The following ZNF699 variants were observed in gnomAD, a reference collection of about 807,000 sequenced individuals.
ZNF699 encodes the protein zinc finger protein 699.
ZNF699 carries 18 observed loss-of-function variants against 22.5 expected under a neutral mutation model. The observed-to-expected ratio is 0.80, with a 90% CI of 0.55 to 1.19. The LOEUF (loss-of-function observed/expected upper bound fraction) is 1.19, where lower values mean the gene tolerates loss of function less well. Ranked by LOEUF, ZNF699 falls within the 50% of genes most tolerant of loss-of-function variation. The pLI is 0.00. For missense variants in ZNF699, 670 were observed against 763.4 expected, an observed-to-expected ratio of 0.88 and a Z score of 1.44; for synonymous variants, 241 against 262.3, an observed-to-expected ratio of 0.92 and a Z score of 0.78.
At position 9,291,202 on chromosome 19, in the gene ZNF699, T is replaced by G. The variant is rs1370321092; in HGVS notation, c.*4273A>C. ...ATTCATCAACTGGAAAACTCGATAT[T>G]GTAAAGATGTCAATTATCCTCAGGT... On this transcript the variant is annotated 3_prime_UTR_variant, in exon 6 of 6. Coordinates refer to ENST00000591998, the MANE Select transcript of ZNF699 (RefSeq NM_198535.3). 6.6e-6 allele frequency among the ~76,000 whole-genome samples: 1 copy of G among 152,174 alleles called. No homozygotes were observed. The highest frequency in any genetic ancestry group is 1.5e-5 in the Non-Finnish European group (1 of 68,034).
chr19:9,305,032 ATGGAAATATTC>A (rs1180693879), intron 2 of ZNF699, 29 bp downstream of exon 2: 35 of 1,552,944 alleles, frequency 2.3e-5, no homozygotes, highest in Admixed American at 1.3e-4. Context: ...ACCTGGTACA[ATGGAAATATTC>A]TTTTGGACAA....
Position 9,296,642 on chromosome 19 carries a change from C to T in ZNF699, c.762G>A (p.Lys254=). 1 of 1,614,042 alleles carries T rather than the reference C, an allele frequency of 6.2e-7. No homozygotes were observed. Among genetic ancestry groups the T allele is most frequent in the Non-Finnish European group, 8.5e-7 (1 of 1,179,988 alleles). Residue 254 remains lysine (K), a synonymous_variant, in exon 6 of 6, where the codon AAG becomes AAA. Coordinates refer to ENST00000591998, the MANE Select transcript of ZNF699 (RefSeq NM_198535.3). ...AACAGCTGAAGGCTTTGGTACATTC[C>T]TTACATTCATAGGGCTTCTCTTCAG... ...TPTEEKPYEC[K]ECTKAFSCSS... is the part of the protein sequence containing the mutation.
intron 3 of ZNF699, 79 bp from the exon 4 acceptor site, chr19:9,298,069 T>A: frequency 1.1e-6 from 1 of 930,930 alleles, no homozygotes; most frequent in South Asian, 1.6e-5. Context: ...AACAAAACTT[T>A]AGTCTTCTGA....
In ZNF699 at chr19:9,297,780, G is replaced by A. The variant is rs2066292354; in HGVS notation, c.286+100C>T. The A allele has an allele frequency of 2.3e-6, 2 of 873,260 alleles. No homozygotes were observed. Among genetic ancestry groups the A allele is most frequent in the Non-Finnish European group, 3.7e-6 (2 of 539,350 alleles). The allele number at this position is 873,260 out of a possible 1,614,324, so 54.1% of individuals were successfully genotyped here. A position where few individuals can be genotyped will look rare whatever the true frequency, so the allele number is the denominator to read the frequency against. ...CAAAATAGTCATCTGAGCTATCTGTGGAAGATGAGCTTCCTCATATAAAAC... is the reference window on the plus strand; with the variant it reads ...CAAAATAGTCATCTGAGCTATCTGTAGAAGATGAGCTTCCTCATATAAAAC... On this transcript the variant is annotated intron_variant, in intron 4 of 5. Coordinates refer to ENST00000591998, the MANE Select transcript of ZNF699 (RefSeq NM_198535.3). This position sits in a 1 kb window ranked among gnomAD's most constrained non-coding sequence, Gnocchi z 4.3.
intron 3 of ZNF699, among the ~76,000 whole-genome samples, chr19:9,301,905 CTT>C (rs199823792): frequency 0.065 from 9,325 of 142,416 alleles, 857 homozygotes; most frequent in African/African-American, 0.21. Context: ...TTTCTTTTTT[CTT>C]TTTTTTTTTT....
chr19:9,298,133 TTA>T (rs1489397534), intron 3 of ZNF699, 143 bp from the exon 4 acceptor site: 9 of 547,762 alleles, frequency 1.6e-5, no homozygotes, highest in Admixed American at 6.7e-5. Flanking sequence ...TCAAATTTAT[TTA>T]TTTTTTTTTT....
rs2066306987 is a variant in ZNF699 at position 9,301,487 on chromosome 19, G to A, written c.175+891C>T. Among the ~76,000 whole-genome samples, 3 of 152,140 alleles carry A rather than the reference G, an allele frequency of 2.0e-5. No homozygotes were observed. The South Asian group carries it at 6.2e-4, about 31-fold the overall frequency. ...ACCCAGCCTCCAGAAATGCTGTGAAGGAAAAAATTTCCGTTGTTTTTAGCC... is the reference window on the plus strand; with the variant it reads ...ACCCAGCCTCCAGAAATGCTGTGAAAGAAAAAATTTCCGTTGTTTTTAGCC... On this transcript the variant is annotated intron_variant, in intron 3 of 5. Coordinates refer to ENST00000591998, the MANE Select transcript of ZNF699 (RefSeq NM_198535.3).
chr19:9,303,140 G>A (rs1321167331), intron 2 of ZNF699, among the ~76,000 whole-genome samples: 1 of 152,110 alleles, frequency 6.6e-6, no homozygotes, highest in Admixed American at 6.5e-5. Context: ...GAACACTTCT[G>A]ACACCAGATG....
In ZNF699 at chr19:9,296,465, C is replaced by T. The variant is rs761068949; in HGVS notation, c.939G>A (p.Gly313=). 4.3e-6 allele frequency: 7 copies of T among 1,614,078 alleles called. No individual in the cohort carries two copies. The South Asian group carries it at 4.4e-5, about 10-fold the overall frequency. The change falls in exon 6 of 6, where the codon GGG becomes GGA. Residue 313 remains glycine (G), a synonymous_variant. Coordinates refer to ENST00000591998, the MANE Select transcript of ZNF699 (RefSeq NM_198535.3). ...GTGAGGAGGAACAACTGAAGGCCTT[C>T]CCACATTCCTTACATTCATAAGGCT... is the stretch of plus-strand genomic sequence containing the variant. The part of the protein sequence containing the change: ...GDKPYECKEC[G]KAFSCSSSLS...
In ZNF699 at chr19:9,296,096, T is replaced by G. The variant is rs1480394185; in HGVS notation, c.1308A>C (p.Thr436=). The change falls in exon 6 of 6, where the codon ACA becomes ACC. Residue 436 remains threonine, a synonymous_variant. Coordinates refer to ENST00000591998, the MANE Select transcript of ZNF699 (RefSeq NM_198535.3). ...KAFYLPTSLN[T]HVKNQSREKP... ...TCTCTCGACTTTGATTTTTCACATG[T>G]GTATTAAGGGAAGTGGGAAGGTAGA... The G allele has an allele frequency of 1.2e-6, 2 of 1,613,786 alleles. No homozygotes were observed. Among genetic ancestry groups the G allele is most frequent in the Non-Finnish European group, 1.7e-6 (2 of 1,179,926 alleles).
rs773120603 is a variant in ZNF699 at position 9,295,890 on chromosome 19, C to T, written c.1514G>A (p.Cys505Tyr). 30 of 1,613,974 alleles carry T rather than the reference C, an allele frequency of 1.9e-5. No homozygotes were observed. The highest frequency in any genetic ancestry group is 2.5e-5 in the Non-Finnish European group (30 of 1,180,022). Residue 505 changes from cysteine (C) to tyrosine (Y), a missense_variant, in exon 6 of 6, where the codon TGT (cysteine) becomes TAT (tyrosine). By Grantham distance (194) the Cys-to-Tyr change is radical (BLOSUM62 -2). Transcript: ENST00000591998. ...RTHSGEKPYE[C>Y]KECGKAFISS... ...AATAAAGGCTTTCCCACATTCTTTACATTCATACGGCTTCTCTCCGCTGTG... is the reference window on the plus strand; with the variant it reads ...AATAAAGGCTTTCCCACATTCTTTATATTCATACGGCTTCTCTCCGCTGTG...
In ZNF699 at chr19:9,302,431, C is replaced by A. The variant is rs776614133; in HGVS notation, c.122G>T (p.Arg41Ile). Residue 41 changes from arginine (R) to isoleucine (I), a missense_variant, in exon 3 of 6, where the codon AGA becomes ATA. By Grantham distance (97) the Arg-to-Ile change is moderately conservative. Transcript: ENST00000591998. ...EEWALLDLAQ[R>I]NLYRDVMLEN... ...CAGCATCACATCTCTGTAGAGGTTT[C>A]TCTGAGCAAGATCCAGCAAAGCCCA... 4 of 1,614,046 alleles carry A rather than the reference C, an allele frequency of 2.5e-6. No individual in the cohort carries two copies. The highest frequency in any genetic ancestry group is 1.7e-6 in the Non-Finnish European group (2 of 1,179,956).
intron 1 of ZNF699, among the ~76,000 whole-genome samples, chr19:9,307,142 AG>A (rs1429880028): frequency 4.6e-5 from 7 of 152,238 alleles, no homozygotes; most frequent in African/African-American, 1.7e-4. Flanking sequence ...CAGAGGTTGC[AG>A]TAAGCCGAAA....
In ZNF699 at chr19:9,293,128, CAA is replaced by C. The variant is rs544805619; in HGVS notation, c.*2345_*2346del. Among the ~76,000 whole-genome samples the C allele has an allele frequency of 1.4e-4, 9 of 62,950 alleles. No homozygotes were observed. The highest frequency in any genetic ancestry group is 1.9e-4 in the Admixed American group (1 of 5,340). The allele number at this position is 62,950 out of a possible 152,430, so 41.3% of individuals were successfully genotyped here. On this transcript the variant is annotated 3_prime_UTR_variant, in exon 6 of 6. Coordinates refer to ENST00000591998, the MANE Select transcript of ZNF699 (RefSeq NM_198535.3). ...CCAACCTGGGCACAAGAGTCCGTCT[CAA>C]AAAAAAAAAAAAAGAAAAGAAATCA...
chr19:9,295,391 C>G lies in ZNF699; in HGVS notation c.*84G>C. ...TGAGCAACAATTTCCTACTTTCTTA[C>G]ATTCATAGGGTGTCTCCACAGTATG... On this transcript the variant is annotated 3_prime_UTR_variant, in exon 6 of 6. Transcript: ENST00000591998. 1 of 1,482,238 alleles carries G rather than the reference C, an allele frequency of 6.7e-7. No individual in the cohort carries two copies. Among genetic ancestry groups the G allele is most frequent in the Non-Finnish European group, 9.0e-7 (1 of 1,115,304 alleles). The allele number at this position is 1,482,238 out of a possible 1,614,324, so 91.8% of individuals were successfully genotyped here.
chr19:9,305,167 A>C (rs1468497141), intron 1 of ZNF699, 43 bp from the exon 2 acceptor site: 2 of 1,582,780 alleles, frequency 1.3e-6, no homozygotes, highest in Non-Finnish European at 1.7e-6. Context: ...AGAATTAAAA[A>C]AGGTGACATG....
chr19:9,305,014 T>C, intron 2 of ZNF699, 58 bp downstream of exon 2: 3 of 1,451,560 alleles, frequency 2.1e-6, no homozygotes, highest in South Asian at 1.2e-5. Flanking sequence ...CCTAAAACAC[T>C]GAGGGAGACC....
chr19:9,305,233 T>C, intron 1 of ZNF699, 109 bp from the exon 2 acceptor site: 1 of 817,460 alleles, frequency 1.2e-6, no homozygotes, highest in Non-Finnish European at 2.0e-6. Context: ...TTGCAGCCCA[T>C]CAATTATAAG....
At position 9,296,082 on chromosome 19, in the gene ZNF699, T is replaced by C; in HGVS notation, c.1322A>G (p.Gln441Arg). The C allele has an allele frequency of 6.2e-7, 1 of 1,613,752 alleles. No individual in the cohort carries two copies. Among genetic ancestry groups the C allele is most frequent in the Middle Eastern group, 1.7e-4 (1 of 6,058 alleles). ...PTSLNTHVKN[Q>R]SREKPYECKE... The stretch of plus-strand genomic sequence containing the variant: ...ACATTCATAGGGTTTCTCTCGACTT[T>C]GATTTTTCACATGTGTATTAAGGGA... Residue 441 changes from glutamine (Q) to arginine (R), a missense_variant, in exon 6 of 6, where the codon CAA becomes CGA. By Grantham distance (43) the Gln-to-Arg change is conservative. Transcript: ENST00000591998.
Sources: allele counts gnomAD v4.1 joint callset (sites outside exome capture counted in the v4.1 genomes callset), GRCh38; gene constraint gnomAD v4.1.1; non-coding constraint Gnocchi (gnomAD v3.1); transcripts MANE v1.5; gene names NCBI Gene and HGNC (gene_info 2026-07-23, HGNC 2026-07-21).